The following MINDY4 variants were observed in gnomAD, a reference collection of about 807,000 sequenced individuals.
MINDY4 encodes the protein probable ubiquitin carboxyl-terminal hydrolase MINDY-4.
A neutral mutation model predicts 87.0 loss-of-function variants in MINDY4; 68 were observed. The observed-to-expected ratio is 0.78, with a 90% CI of 0.64 to 0.96. The LOEUF (loss-of-function observed/expected upper bound fraction) is 0.96, where lower values mean the gene tolerates loss of function less well. MINDY4 is among the 40% of genes least tolerant of loss of function. The pLI is 0.00. For missense variants in MINDY4, 919 were observed against 928.2 expected (o/e 0.99, Z 0.13); for synonymous variants, 379 against 363.2 (o/e 1.04, Z -0.50).
At chr7:30,840,218 A>G (rs1319209552) in intron 8 of MINDY4, among the ~76,000 whole-genome samples, 1 of 152,216 alleles carries the variant, frequency 6.6e-6, no homozygotes, top group African/African-American at 2.4e-5. Context: ...CTCCTCAAGA[A>G]GCCTCTGCAC....
At chr7:30,841,311 A>T (rs891683689) in intron 9 of MINDY4, among the ~76,000 whole-genome samples, 3 of 152,194 alleles carry the variant, frequency 2.0e-5, no homozygotes, top group African/African-American at 7.2e-5. Context: ...TCACACATTA[A>T]GTGTTTGCAC....
intron 5 of MINDY4, among the ~76,000 whole-genome samples, chr7:30,812,135 C>T (rs1788017823): frequency 6.6e-6 from 1 of 151,794 alleles, no homozygotes; most frequent in Non-Finnish European, 1.5e-5. Context: ...ACAAACAAAC[C>T]CCATGTGGAT....
chr7:30,785,341 G>A (rs1024986232), intron 3 of MINDY4, among the ~76,000 whole-genome samples: 1 of 151,904 alleles, frequency 6.6e-6, no homozygotes, highest in East Asian at 1.9e-4. Context: ...TGAACAGTGG[G>A]GAATGCCAAG....
intron 11 of MINDY4, 92 bp downstream of exon 11, chr7:30,852,371 A>G: frequency 6.3e-7 from 1 of 1,590,396 alleles, no homozygotes; most frequent in South Asian, 1.2e-5. Flanking sequence ...AGCTGGGGAC[A>G]GGCTGGCCTT....
In MINDY4 at chr7:30,783,166, G is replaced by A. The variant is rs144871673; in HGVS notation, c.419+954G>A. On this transcript the variant is annotated intron_variant, in intron 3 of 17. Coordinates refer to ENST00000265299, the MANE Select transcript of MINDY4 (RefSeq NM_032222.3). ...CTGGTTCTGTCTGGAGGTTCTGAGG[G>A]GAAAATCCATTTTCTTTTCTTTTTT... is the stretch of plus-strand genomic sequence containing the variant. Among the ~76,000 whole-genome samples the A allele has an allele frequency of 2.0e-5, 3 of 152,236 alleles. No homozygotes were observed. The East Asian group carries it at 5.8e-4, about 29-fold the overall frequency.
At chr7:30,786,353 C>A (rs1787157355) in intron 4 of MINDY4, 1 of 194,426 alleles carries the variant, frequency 5.1e-6, no homozygotes, top group Non-Finnish European at 1.1e-5. Context: ...TGGCTTACAC[C>A]TGTAATCCCA....
intron 15 of MINDY4, among the ~76,000 whole-genome samples, chr7:30,879,768 G>A (rs1220625320): frequency 6.6e-6 from 1 of 152,184 alleles, no homozygotes; most frequent in African/African-American, 2.4e-5. Flanking sequence ...CACCATCAGG[G>A]TATCTTAATT....
At chr7:30,888,417 T>G (rs1053853817) in intron 17 of MINDY4, among the ~76,000 whole-genome samples, 4 of 152,178 alleles carry the variant, frequency 2.6e-5, no homozygotes, top group Non-Finnish European at 5.9e-5. Flanking sequence ...CAAAATGCCT[T>G]AGGTACCGAG....
intron 5 of MINDY4, among the ~76,000 whole-genome samples, chr7:30,807,202 T>C (rs1412615561): frequency 6.6e-6 from 1 of 152,156 alleles, no homozygotes; most frequent in Non-Finnish European, 1.5e-5. Context: ...CATGTCCACC[T>C]CCTCATGGAG....
At chr7:30,841,905 G>A (rs1035789135) in intron 9 of MINDY4, among the ~76,000 whole-genome samples, 4 of 152,266 alleles carry the variant, frequency 2.6e-5, no homozygotes, top group East Asian at 1.9e-4. Flanking sequence ...TTTGAAATAA[G>A]CATTTGAGAA....
chr7:30,802,621 A>C (rs1185736859), intron 5 of MINDY4, among the ~76,000 whole-genome samples: 2 of 152,192 alleles, frequency 1.3e-5, no homozygotes, highest in Non-Finnish European at 2.9e-5. Context: ...AAGTTATGCT[A>C]ATCTGTCTGT....
At chr7:30,782,750 C>T (rs1787044959) in intron 3 of MINDY4, among the ~76,000 whole-genome samples, 1 of 151,964 alleles carries the variant, frequency 6.6e-6, no homozygotes, top group South Asian at 2.1e-4. Flanking sequence ...GCTGATGGGA[C>T]TGTAAGGGCT....
At chr7:30,779,831 G>C (rs184859106) in intron 2 of MINDY4, 5 of 152,192 alleles carry the variant, frequency 3.3e-5, no homozygotes, top group Non-Finnish European at 7.3e-5. Flanking sequence ...GATTGGATTC[G>C]TATGGTGGTA....
At chr7:30,864,601 C>A (rs919383734) in intron 13 of MINDY4, among the ~76,000 whole-genome samples, 1 of 152,256 alleles carries the variant, frequency 6.6e-6, no homozygotes, top group Admixed American at 6.5e-5. Context: ...TCCAGCAGCT[C>A]CTCAGCCTGC....
chr7:30,816,534 G>A (rs915915225), intron 5 of MINDY4, among the ~76,000 whole-genome samples: 1 of 152,184 alleles, frequency 6.6e-6, no homozygotes, highest in Non-Finnish European at 1.5e-5. Flanking sequence ...TACAGCATGT[G>A]TTCTCTGCAG....
chr7:30,819,840 ATGCTTTAC>A (rs1788269591), intron 5 of MINDY4, among the ~76,000 whole-genome samples: 1 of 151,070 alleles, frequency 6.6e-6, no homozygotes, highest in Admixed American at 6.6e-5. Context: ...TATTTTTGCC[ATGCTTTAC>A]TGTTAAGCTT....
chr7:30,827,210 G>T (rs1423257178), intron 5 of MINDY4, among the ~76,000 whole-genome samples: 2 of 152,172 alleles, frequency 1.3e-5, no homozygotes, highest in African/African-American at 4.8e-5. Context: ...ATGGTTCAAG[G>T]AGGATTTTAG....
intron 13 of MINDY4, among the ~76,000 whole-genome samples, chr7:30,860,979 A>G (rs1222609773): frequency 6.6e-6 from 1 of 152,154 alleles, no homozygotes; most frequent in East Asian, 1.9e-4. Context: ...AGATATACAG[A>G]TGCACATACG....
At position 30,850,528 on chromosome 7, in the gene MINDY4, G is replaced by C; in HGVS notation, c.1520G>C (p.Gly507Ala). The stretch of plus-strand genomic sequence containing the variant: ...CTCGCAGACATTGTGTGGCGGGCAG[G>C]GGGCCGAGAGAGAGCCGTTGTTGCA... ...LALADIVWRA[G>A]GRERAVVALA... is the part of the protein sequence containing the mutation. The change falls in exon 10 of 18, where the codon GGG (glycine) becomes GCG (alanine). Residue 507 changes from glycine (G) to alanine (A), a missense_variant. By Grantham distance (60) the Gly-to-Ala change is moderately conservative (BLOSUM62 0). Coordinates refer to ENST00000265299, the MANE Select transcript of MINDY4 (RefSeq NM_032222.3). 1 of 1,608,466 alleles carries C rather than the reference G, an allele frequency of 6.2e-7. No homozygotes were observed. The highest frequency in any genetic ancestry group is 1.1e-5 in the South Asian group (1 of 89,744).
Sources: allele counts gnomAD v4.1 joint callset (sites outside exome capture counted in the v4.1 genomes callset), GRCh38; gene constraint gnomAD v4.1.1; transcripts MANE v1.5; gene names NCBI Gene and HGNC (gene_info 2026-07-23, HGNC 2026-07-21).